The following WDR43 variants were observed in gnomAD, a reference collection of about 807,000 sequenced individuals.
The protein encoded by WDR43 is WD repeat domain 43.
In WDR43, 13 loss-of-function variants were observed where a neutral mutation model predicts 91.4. That is an observed-to-expected ratio of 0.14 (90% confidence interval 0.09 to 0.23). WDR43 has a LOEUF of 0.23. Ranked by LOEUF, WDR43 falls within the 10% of genes least tolerant of loss-of-function variation. The pLI is 1.00. For synonymous variants in WDR43, 331 were observed against 287.9 expected, an observed-to-expected ratio of 1.15 and a Z score of -1.51; for missense variants, 780 against 809.4, an observed-to-expected ratio of 0.96 and a Z score of 0.44.
chr2:28,915,208 C>T (rs1670882814), intron 5 of WDR43, among the ~76,000 whole-genome samples: 1 of 152,180 alleles, frequency 6.6e-6, no homozygotes, highest in Admixed American at 6.5e-5. Context: ...ATGTGGGCCT[C>T]TGTTTACCTT....
rs1156898538 is a variant in WDR43, at chr2:28,896,183, C to T, written c.225+1260C>T. 3.3e-5 allele frequency among the ~76,000 whole-genome samples: 5 copies of T among 151,950 alleles called. No individual in the cohort carries two copies. The East Asian group carries it at 9.6e-4, about 29-fold the overall frequency. ...TTTCTGTGGTTGTATTTTAACAGTCCTGTAAAGTGATAGTAATACTAATGC... is the reference window on the plus strand; with the variant it reads ...TTTCTGTGGTTGTATTTTAACAGTCTTGTAAAGTGATAGTAATACTAATGC... On this transcript the variant is annotated intron_variant, in intron 1 of 17. Transcript: ENST00000407426.
chr2:28,926,144 C>G (rs1167737236), intron 8 of WDR43, among the ~76,000 whole-genome samples: 1 of 152,110 alleles, frequency 6.6e-6, no homozygotes, highest in Non-Finnish European at 1.5e-5. Flanking sequence ...TGAACTGATA[C>G]GTTTTCTTTA....
intron 3 of WDR43, among the ~76,000 whole-genome samples, chr2:28,907,274 G>C (rs11695230): frequency 0.31 from 47,658 of 151,780 alleles, 8,684 homozygotes; most frequent in East Asian, 0.77. Context: ...GGATTCTAAT[G>C]CTGCTCTTTT....
At chr2:28,927,505 T>G in intron 9 of WDR43, 64 bp from the exon 10 acceptor site, 1 of 1,569,480 alleles carries the variant, frequency 6.4e-7, no homozygotes, top group Non-Finnish European at 8.6e-7. Flanking sequence ...GTTTTCTCAT[T>G]GAGGATACTT....
At chr2:28,901,177 G>A (rs1670572651) in intron 1 of WDR43, among the ~76,000 whole-genome samples, 1 of 152,156 alleles carries the variant, frequency 6.6e-6, no homozygotes, top group South Asian at 2.1e-4. Context: ...ATATAGGCTG[G>A]TGAGCCGTAA....
Position 28,907,153 on chromosome 2 carries a change from G to C in WDR43, c.485+572G>C, listed in dbSNP as rs368603970. Reference sequence around the variant, plus strand: ...CAACCACCTGATCCTGAGGTTGGCCGTATAGGAGATGCTTAGTAAATGTGG... The same window carrying C: ...CAACCACCTGATCCTGAGGTTGGCCCTATAGGAGATGCTTAGTAAATGTGG... On this transcript the variant is annotated intron_variant, in intron 3 of 17. Coordinates refer to ENST00000407426, the MANE Select transcript of WDR43 (RefSeq NM_015131.3). Among the ~76,000 whole-genome samples the C allele has an allele frequency of 5.3e-5, 8 of 152,278 alleles. No individual in the cohort carries two copies. In the South Asian group the frequency reaches 1.2e-3, roughly 24 times the overall value.
At chr2:28,920,229 T>C (rs967524845) in intron 6 of WDR43, among the ~76,000 whole-genome samples, 1 of 143,700 alleles carries the variant, frequency 7.0e-6, no homozygotes, top group Non-Finnish European at 1.5e-5. Flanking sequence ...TCTTTCTTTT[T>C]TTTTTTTTTT....
Position 28,929,367 on chromosome 2 carries a change from T to C in WDR43, c.1306-212T>C, listed in dbSNP as rs115606963. On this transcript the variant is annotated intron_variant, in intron 10 of 17. Coordinates refer to ENST00000407426, the MANE Select transcript of WDR43 (RefSeq NM_015131.3). ...TATGTGCTTCTTGGGCCGTTGTTTT[T>C]TTCACTAGAATCTGGAAGCTTGGAT... Among the ~76,000 whole-genome samples the C allele has an allele frequency of 4.9e-4, 74 of 152,352 alleles. 2 individuals carry two copies. The highest frequency in any genetic ancestry group is 1.7e-3 in the African/African-American group (71 of 41,576).
intron 3 of WDR43, among the ~76,000 whole-genome samples, chr2:28,911,479 A>G (rs1310806318): frequency 3.3e-5 from 5 of 151,992 alleles, no homozygotes; most frequent in African/African-American, 1.2e-4. Flanking sequence ...AATTTTTAGT[A>G]GAGACAGGGT....
chr2:28,944,908 G>A (rs1056173206), intron 16 of WDR43, among the ~76,000 whole-genome samples: 1 of 152,202 alleles, frequency 6.6e-6, no homozygotes, highest in East Asian at 1.9e-4. Context: ...ACATAACAGG[G>A]CGCAATTTAA....
intron 2 of WDR43, among the ~76,000 whole-genome samples, chr2:28,904,428 G>A (rs558868359): frequency 5.9e-5 from 9 of 152,338 alleles, no homozygotes; most frequent in Admixed American, 2.0e-4. Flanking sequence ...TTTGTTGAAT[G>A]AGTAAGTGAA....
intron 4 of WDR43, among the ~76,000 whole-genome samples, chr2:28,913,337 A>G (rs189717374): frequency 8.7e-4 from 132 of 151,952 alleles, no homozygotes; most frequent in Non-Finnish European, 1.5e-3. Context: ...TTTAAAAAAC[A>G]AAACAGATTT....
chr2:28,937,159 T>G (rs911751271), intron 13 of WDR43, among the ~76,000 whole-genome samples: 1 of 152,210 alleles, frequency 6.6e-6, no homozygotes, highest in Admixed American at 6.5e-5. Flanking sequence ...TACTTTAGCT[T>G]TATTAGCAGG....
Position 28,927,689 on chromosome 2 carries a change from G to T in WDR43, c.1294G>T (p.Gly432Trp). 6.2e-7 allele frequency: 1 copy of T among 1,613,922 alleles called. No individual in the cohort carries two copies. Reference protein sequence around the residue: ...TEQVESKRKSGGNEVSIEERL... With the variant: ...TEQVESKRKSWGNEVSIEERL... ...GCAAGTAGAGAGCAAGAGGAAGTCA[G>T]GGGGAAATGAGGTAATGCAACTGCT... is the stretch of plus-strand genomic sequence containing the variant. The change falls in exon 10 of 18, where the codon GGG (glycine) becomes TGG (tryptophan). Residue 432 changes from glycine to tryptophan, a missense_variant. Physicochemically the swap from Gly to Trp is radical, Grantham distance 184. Transcript: ENST00000407426.
intron 2 of WDR43, among the ~76,000 whole-genome samples, chr2:28,904,693 G>A (rs1429178540): frequency 6.6e-6 from 1 of 152,176 alleles, no homozygotes; most frequent in Non-Finnish European, 1.5e-5. Flanking sequence ...AGTTACTTGC[G>A]TGTATATAAG....
At chr2:28,913,738 T>G (rs772167768) in intron 4 of WDR43, 1 of 538,888 alleles carries the variant, frequency 1.9e-6, no homozygotes, top group Non-Finnish European at 3.7e-6. Flanking sequence ...TCCTTGGCTG[T>G]GTCTGAGCAC....
chr2:28,923,000 C>T lies in WDR43; in HGVS notation c.914+17C>T. The T allele has an allele frequency of 6.2e-7, 1 of 1,603,328 alleles. No individual in the cohort carries two copies. On this transcript the variant is annotated intron_variant, in intron 7 of 17. Coordinates refer to ENST00000407426, the MANE Select transcript of WDR43 (RefSeq NM_015131.3). ...ATTAAATGGGTAAGTAAGAAATTTT[C>T]CAAGTAAGAAATTTGTTTCTTTCCC...
At chr2:28,939,993 G>C (rs1381719898) in intron 14 of WDR43, among the ~76,000 whole-genome samples, 1 of 151,636 alleles carries the variant, frequency 6.6e-6, no homozygotes, top group South Asian at 2.1e-4. Flanking sequence ...TGTAGTCCCA[G>C]CTACTCGGGA....
chr2:28,920,031 G>A (rs1004661401), intron 6 of WDR43, among the ~76,000 whole-genome samples: 6 of 151,658 alleles, frequency 4.0e-5, no homozygotes, highest in Admixed American at 6.6e-5. Flanking sequence ...TAGAGACAGG[G>A]TTTTGCCATG....
Sources: allele counts gnomAD v4.1 joint callset (sites outside exome capture counted in the v4.1 genomes callset), GRCh38; gene constraint gnomAD v4.1.1; transcripts MANE v1.5; gene names NCBI Gene and HGNC (gene_info 2026-07-23, HGNC 2026-07-21).